The following ST6GAL1 variants were observed in gnomAD, a reference collection of about 807,000 sequenced individuals.
The protein encoded by ST6GAL1 is beta-galactoside alpha-2,6-sialyltransferase 1.
ST6GAL1 carries 20 observed loss-of-function variants against 38.0 expected under a neutral mutation model. The ratio of observed to expected loss-of-function variants is 0.53; its 90% CI spans 0.37 to 0.77. The LOEUF is 0.77. Among genes scored for constraint, ST6GAL1 ranks in the 30% least tolerant of loss-of-function variants. The probability of loss-of-function intolerance (pLI) is 0.00; values close to 1 mark genes in which losing one functional copy is unlikely to be tolerated. For missense variants in ST6GAL1, 432 were observed against 496.4 expected (o/e 0.87, Z 1.23); for synonymous variants, 196 against 188.2 (o/e 1.04, Z -0.34).
chr3:186,969,412 C>T (rs182775662), intron 2 of ST6GAL1, among the ~76,000 whole-genome samples: 20 of 152,240 alleles, frequency 1.3e-4, no homozygotes, highest in East Asian at 3.9e-4. Context: ...TGTGCATTCC[C>T]GTAAACACTA....
chr3:187,032,530 G>A (rs1364849935), intron 2 of ST6GAL1, among the ~76,000 whole-genome samples: 3 of 152,176 alleles, frequency 2.0e-5, no homozygotes, highest in Admixed American at 1.3e-4. Context: ...CATTCATCTA[G>A]TGTCTAGAGA....
intron 1 of ST6GAL1, among the ~76,000 whole-genome samples, chr3:186,931,709 G>A (rs1466697301): frequency 6.6e-6 from 1 of 152,214 alleles, no homozygotes; most frequent in Non-Finnish European, 1.5e-5. Flanking sequence ...CGCCCAGTGC[G>A]GTCTTGCTCT....
intron 5 of ST6GAL1, among the ~76,000 whole-genome samples, chr3:187,055,786 A>T (rs1718678764): frequency 6.6e-6 from 1 of 152,104 alleles, no homozygotes; most frequent in South Asian, 2.1e-4. Flanking sequence ...TATTCTGTTG[A>T]TTTGGGGTGG....
At chr3:186,973,035 T>G (rs1304003966) in intron 2 of ST6GAL1, among the ~76,000 whole-genome samples, 1 of 152,142 alleles carries the variant, frequency 6.6e-6, no homozygotes, top group Non-Finnish European at 1.5e-5. Flanking sequence ...TATTTATTTA[T>G]TCATTATTTT....
intron 1 of ST6GAL1, among the ~76,000 whole-genome samples, chr3:186,936,438 C>G (rs1183101612): frequency 6.6e-6 from 1 of 152,060 alleles, no homozygotes; most frequent in African/African-American, 2.4e-5. Context: ...TGAATTTTTT[C>G]TTGCTTGTCT....
chr3:187,056,809 T>C (rs1009209968), intron 5 of ST6GAL1, among the ~76,000 whole-genome samples: 1 of 152,148 alleles, frequency 6.6e-6, no homozygotes, highest in African/African-American at 2.4e-5. Flanking sequence ...GGAGTATCTT[T>C]GTGGTGTTCT....
At chr3:187,027,590 T>A (rs1435890010) in intron 2 of ST6GAL1, among the ~76,000 whole-genome samples, 1 of 152,140 alleles carries the variant, frequency 6.6e-6, no homozygotes, top group African/African-American at 2.4e-5. Context: ...AGTGTTTTAT[T>A]CCGGCCCCCC....
chr3:186,989,182 T>C (rs760053471), intron 2 of ST6GAL1, among the ~76,000 whole-genome samples: 24 of 152,116 alleles, frequency 1.6e-4, no homozygotes, highest in Non-Finnish European at 2.8e-4. Context: ...AGTTAGGAGA[T>C]TCAGAAACCA....
chr3:186,959,033 G>A (rs1714845395), intron 1 of ST6GAL1, among the ~76,000 whole-genome samples: 1 of 151,784 alleles, frequency 6.6e-6, no homozygotes, highest in African/African-American at 2.4e-5. Flanking sequence ...GTCTCCCCCT[G>A]TATCCAGATT....
intron 2 of ST6GAL1, among the ~76,000 whole-genome samples, chr3:186,997,057 A>G (rs2108550016): frequency 6.6e-6 from 1 of 151,964 alleles, no homozygotes; most frequent in South Asian, 2.1e-4. Flanking sequence ...GGAAGGAAGA[A>G]ATGTATTCTT....
intron 5 of ST6GAL1, 47 bp from the exon 6 acceptor site, chr3:187,072,802 T>C (rs1052648915): frequency 5.2e-6 from 8 of 1,524,554 alleles, no homozygotes; most frequent in African/African-American, 1.4e-5. Context: ...ATGTCAAACA[T>C]TTGCATATGA....
chr3:186,957,171 G>A (rs992367680), intron 1 of ST6GAL1, among the ~76,000 whole-genome samples: 7 of 152,190 alleles, frequency 4.6e-5, no homozygotes, highest in Non-Finnish European at 8.8e-5. Context: ...TGCTGGGCGC[G>A]GTGGCTCATG....
intron 1 of ST6GAL1, among the ~76,000 whole-genome samples, chr3:186,933,161 A>G (rs962743108): frequency 1.3e-5 from 2 of 152,142 alleles, no homozygotes; most frequent in South Asian, 2.1e-4. Flanking sequence ...ACTTTTTCCT[A>G]ATTGGTTTTC....
At chr3:186,972,204 C>G (rs919156829) in intron 2 of ST6GAL1, among the ~76,000 whole-genome samples, 1 of 151,984 alleles carries the variant, frequency 6.6e-6, no homozygotes, top group African/African-American at 2.4e-5. Flanking sequence ...ACACCCAGGT[C>G]TGTCCTCTTA....
intron 2 of ST6GAL1, among the ~76,000 whole-genome samples, chr3:186,964,515 A>G (rs938088777): frequency 1.3e-5 from 2 of 152,070 alleles, no homozygotes; most frequent in African/African-American, 4.8e-5. Context: ...CCTGTTAACA[A>G]TCCTCCAGGT....
intron 3 of ST6GAL1, among the ~76,000 whole-genome samples, chr3:187,039,549 A>T (rs1718057574): frequency 6.6e-6 from 1 of 152,250 alleles, no homozygotes; most frequent in Admixed American, 6.5e-5. Context: ...TGATGCTGTC[A>T]GAGCTGGCAG....
chr3:186,989,810 T>G (rs929509305), intron 2 of ST6GAL1, among the ~76,000 whole-genome samples: 2 of 152,212 alleles, frequency 1.3e-5, no homozygotes, highest in African/African-American at 2.4e-5. Flanking sequence ...GGGCATTTGA[T>G]TTTGCATGTC....
At chr3:186,987,209 A>AAAAGG (rs369401123) in intron 2 of ST6GAL1, among the ~76,000 whole-genome samples, 6 of 143,498 alleles carry the variant, frequency 4.2e-5, no homozygotes, top group Admixed American at 1.4e-4. Flanking sequence ...GGAAGGAAAG[A>AAAAGG]AAAGGAAAGA....
intron 2 of ST6GAL1, among the ~76,000 whole-genome samples, chr3:186,996,933 A>G: frequency 6.6e-6 from 1 of 151,736 alleles, no homozygotes; most frequent in East Asian, 1.9e-4. Context: ...TTCCAAGGCC[A>G]TCTCCACTTT....
Sources: gnomAD v4.1 joint callset for allele counts (sites outside exome capture counted in the v4.1 genomes callset) on GRCh38, gnomAD v4.1.1 for gene constraint, MANE v1.5 for transcripts, NCBI Gene and HGNC (gene_info 2026-07-23, HGNC 2026-07-21) for gene names.